Variants in PSMB3 observed in about 807,000 individuals in gnomAD.
The protein encoded by PSMB3 is proteasome 20S subunit beta 3.
Under a neutral mutation model 23.3 loss-of-function variants are expected in PSMB3, and 5 were observed. The observed-to-expected ratio is 0.21, with a 90% confidence interval of 0.11 to 0.45. The LOEUF (loss-of-function observed/expected upper bound fraction) is 0.45, where lower values mean the gene tolerates loss of function less well. PSMB3 is among the 20% of genes least tolerant of loss of function. The pLI is 0.99. For missense variants in PSMB3, 192 were observed against 277.9 expected (o/e 0.69, Z 2.20); for synonymous variants, 85 against 99.8 (o/e 0.85, Z 0.88).
chr17:38,756,628 T>C (rs997410256), intron 3 of PSMB3, among the ~76,000 whole-genome samples: 68 of 152,058 alleles, frequency 4.5e-4, no homozygotes, highest in African/African-American at 1.6e-3. Context: ...GCCATGTAGC[T>C]GGGACCACAG....
chr17:38,755,686 G>GTGTGTGTA (rs1908159886), intron 2 of PSMB3, among the ~76,000 whole-genome samples, 197 bp from the exon 3 acceptor site: 1 of 122,130 alleles, frequency 8.2e-6, no homozygotes, highest in African/African-American at 3.9e-5. Context: ...ATATATATGT[G>GTGTGTGTA]TGTGTGTGTG....
chr17:38,756,955 C>T (rs1298615528), intron 3 of PSMB3, among the ~76,000 whole-genome samples: 1 of 150,896 alleles, frequency 6.6e-6, no homozygotes, highest in Non-Finnish European at 1.5e-5. Context: ...GCAATCTCCA[C>T]CTCCCGGGTC....
rs546497155 is a variant in PSMB3, at chr17:38,759,710, A to G, written c.297-721A>G. Among the ~76,000 whole-genome samples, 77 of 151,938 alleles carry G rather than the reference A, an allele frequency of 5.1e-4. 2 individuals are homozygous for G. The South Asian group carries it at 0.01, about 20-fold the overall frequency. ...TAGTCACCCGCCACCATGCCCAGCT[A>G]ATTTTTTTTTGTATATTTAGTAGAG... is the stretch of plus-strand genomic sequence containing the variant. On this transcript the variant is annotated intron_variant, in intron 3 of 5. Transcript: ENST00000619426.
chr17:38,763,715 C>T (rs960948052), intron 5 of PSMB3, among the ~76,000 whole-genome samples: 5 of 152,036 alleles, frequency 3.3e-5, no homozygotes, highest in African/African-American at 1.2e-4. Context: ...GTTGGTCAGG[C>T]TGGTCTTGAA....
At chr17:38,755,596 G>C (rs1003706021) in intron 2 of PSMB3, among the ~76,000 whole-genome samples, 1 of 148,732 alleles carries the variant, frequency 6.7e-6, no homozygotes, top group Non-Finnish European at 1.5e-5. Context: ...AGTGAGCCGA[G>C]ACTGACTGCG....
At chr17:38,757,190 A>G (rs1908239293) in intron 3 of PSMB3, among the ~76,000 whole-genome samples, 1 of 151,782 alleles carries the variant, frequency 6.6e-6, no homozygotes, top group Non-Finnish European at 1.5e-5. Flanking sequence ...AAAAAGTCTT[A>G]TAAAGTTGTA....
intron 5 of PSMB3, among the ~76,000 whole-genome samples, chr17:38,763,060 C>T (rs1411846160): frequency 1.3e-5 from 2 of 152,154 alleles, no homozygotes; most frequent in Admixed American, 6.5e-5. Flanking sequence ...GCTTAATTAC[C>T]GTGAAATAGT....
At chr17:38,760,346 G>C in intron 3 of PSMB3, 85 bp from the exon 4 acceptor site, 2 of 1,487,970 alleles carry the variant, frequency 1.3e-6, no homozygotes, top group Non-Finnish European at 1.8e-6. Flanking sequence ...TCTGGGTCTA[G>C]GCCGGGGCCT....
intron 2 of PSMB3, among the ~76,000 whole-genome samples, 193 bp from the exon 3 acceptor site, chr17:38,755,676 ATATATATGTGTGTG>A (rs1908152349): frequency 4.6e-5 from 5 of 107,776 alleles, no homozygotes; most frequent in Non-Finnish European, 7.3e-5. Context: ...ATATATATAT[ATATATATGTGTGTG>A]TGTGTGTGTG....
At chr17:38,757,539 G>A (rs1035449418) in intron 3 of PSMB3, among the ~76,000 whole-genome samples, 5 of 151,600 alleles carry the variant, frequency 3.3e-5, no homozygotes, top group Admixed American at 6.6e-5. Flanking sequence ...AAAATAGGTC[G>A]GGCGTGGTGG....
chr17:38,764,057 G>C, intron 5 of PSMB3, 62 bp from the exon 6 acceptor site: 1 of 1,600,994 alleles, frequency 6.2e-7, no homozygotes, highest in Non-Finnish European at 8.6e-7. Flanking sequence ...GGCCAGGAGA[G>C]CTAGTCACAG....
chr17:38,762,512 A>ATGG lies in PSMB3; in HGVS notation c.569+8_569+10dup. 6.2e-7 allele frequency: 1 copy of ATGG among 1,611,634 alleles called. No individual in the cohort carries two copies. The highest frequency in any genetic ancestry group is 2.2e-5 in the East Asian group (1 of 44,880). ...GAGTCATTGTCCACATCATGTGAGT[A>ATGG]TGGGCTGGGAGAAGTCTAGAAGCTC... On this transcript the variant is annotated splice_region_variant and intron_variant, in intron 5 of 5. Transcript: ENST00000619426.
In PSMB3 at chr17:38,752,838, G is replaced by A; in HGVS notation, c.3+9G>A. Reference sequence around the variant, plus strand: ...AGTACACCGCAATCATGGTGAGATGGGGAGTTAAAGCAAAGGGGCATGGGG... The same window carrying A: ...AGTACACCGCAATCATGGTGAGATGAGGAGTTAAAGCAAAGGGGCATGGGG... On this transcript the variant is annotated intron_variant, in intron 1 of 5. Coordinates refer to ENST00000619426, the MANE Select transcript of PSMB3 (RefSeq NM_002795.4). The surrounding 1 kb of genome is among the most constrained non-coding windows in gnomAD (Gnocchi z 5.5). 1 of 1,614,046 alleles carries A rather than the reference G, an allele frequency of 6.2e-7. No homozygotes were observed. The highest frequency in any genetic ancestry group is 1.1e-5 in the South Asian group (1 of 91,072).
At chr17:38,753,036 A>C (rs1359452002) in intron 1 of PSMB3, 114 bp from the exon 2 acceptor site, 3 of 1,303,382 alleles carry the variant, frequency 2.3e-6, no homozygotes, top group Non-Finnish European at 3.1e-6. Flanking sequence ...CCAGGGGTTC[A>C]GACGCCTCCG....
chr17:38,754,188 G>C (rs951184365), intron 2 of PSMB3, among the ~76,000 whole-genome samples: 1 of 152,146 alleles, frequency 6.6e-6, no homozygotes, highest in African/African-American at 2.4e-5. Flanking sequence ...TTCTCATTTC[G>C]GCTGGGCGCG....
intron 2 of PSMB3, 76 bp downstream of exon 2, chr17:38,753,410 G>C: frequency 6.8e-7 from 1 of 1,475,850 alleles, no homozygotes; most frequent in Non-Finnish European, 9.2e-7. Flanking sequence ...ACCGGCCAAG[G>C]TGTCAGTCAT....
intron 5 of PSMB3, among the ~76,000 whole-genome samples, chr17:38,763,115 G>A (rs1057270585): frequency 6.6e-6 from 1 of 152,190 alleles, no homozygotes; most frequent in Non-Finnish European, 1.5e-5. Flanking sequence ...CCAGCACTTT[G>A]GGAGGCTGAG....
At position 38,762,462 on chromosome 17, in the gene PSMB3, G is replaced by A; in HGVS notation, c.526G>A (p.Asp176Asn). The A allele has an allele frequency of 6.2e-7, 1 of 1,614,188 alleles. No individual in the cohort carries two copies. The highest frequency in any genetic ancestry group is 8.5e-7 in the Non-Finnish European group (1 of 1,180,048). ...TISQAMLNAV[D>N]RDAVSGMGVI... ...CTCCCAAGCCATGCTGAATGCTGTG[G>A]ACCGGGATGCAGTGTCAGGCATGGG... The change falls in exon 5 of 6, where the codon GAC becomes AAC. Residue 176 changes from aspartate (D) to asparagine (N), a missense_variant. By Grantham distance (23) the Asp-to-Asn change is conservative. Coordinates refer to ENST00000619426, the MANE Select transcript of PSMB3 (RefSeq NM_002795.4).
At chr17:38,757,034 ATTTTT>A (rs35172699) in intron 3 of PSMB3, among the ~76,000 whole-genome samples, 20 of 65,692 alleles carry the variant, frequency 3.0e-4, no homozygotes, top group African/African-American at 1.1e-3. Context: ...CACCTGGCTA[ATTTTT>A]TTTTTTTTTT....
Sources: allele counts gnomAD v4.1 joint callset (sites outside exome capture counted in the v4.1 genomes callset), GRCh38; gene constraint gnomAD v4.1.1; non-coding constraint Gnocchi (gnomAD v3.1); transcripts MANE v1.5; gene names NCBI Gene and HGNC (gene_info 2026-07-23, HGNC 2026-07-21).